Variants in FAM169A observed in about 807,000 individuals in gnomAD.
FAM169A encodes family with sequence similarity 169 member A, also known as soluble lamin-associated protein of 75 kDa.
FAM169A carries 24 observed loss-of-function variants against 75.7 expected under a neutral mutation model. The observed-to-expected ratio is 0.32, with a 90% CI of 0.23 to 0.45. The LOEUF (loss-of-function observed/expected upper bound fraction) is 0.45, where lower values mean the gene tolerates loss of function less well. Among genes scored for constraint, FAM169A ranks in the 20% least tolerant of loss-of-function variants. The pLI is 1.00. For synonymous variants in FAM169A, 271 were observed against 271.0 expected (o/e 1.00, Z 0.00); for missense variants, 673 against 784.0 (o/e 0.86, Z 1.69).
At chr5:74,824,279 C>T (rs527835539) in intron 5 of FAM169A, among the ~76,000 whole-genome samples, 17 of 152,188 alleles carry the variant, frequency 1.1e-4, no homozygotes, top group Admixed American at 6.6e-4. Flanking sequence ...TCAAAAATAG[C>T]GACTAATGAT....
At position 74,779,660 on chromosome 5, in the gene FAM169A, A is replaced by C. The variant is rs1745315194; in HGVS notation, c.*1800T>G. The stretch of plus-strand genomic sequence containing the variant: ...CTTAGTATTAGCATTTGTTGAAAAA[A>C]TAAATGGCCAAAGTGCTTTAATTTT... On this transcript the variant is annotated 3_prime_UTR_variant, in exon 13 of 13. Coordinates refer to ENST00000687041, the MANE Select transcript of FAM169A (RefSeq NM_001376049.1). 6.6e-6 allele frequency: 1 copy of C among 152,082 alleles called. No individual in the cohort carries two copies. The highest frequency in any genetic ancestry group is 1.5e-5 in the Non-Finnish European group (1 of 68,004). 9.4% of individuals were successfully genotyped at this position (152,082 alleles called of 1,614,324 possible).
chr5:74,793,290 A>C (rs2112494866), intron 11 of FAM169A, among the ~76,000 whole-genome samples: 1 of 148,392 alleles, frequency 6.7e-6, no homozygotes, highest in Non-Finnish European at 1.5e-5. Flanking sequence ...GTGCCACTGC[A>C]CTCCAGCCTG....
intron 11 of FAM169A, among the ~76,000 whole-genome samples, chr5:74,794,778 C>CAAAA (rs980861741): frequency 1.5e-5 from 1 of 65,760 alleles, no homozygotes; most frequent in Admixed American, 1.7e-4. Context: ...AACTCCGTCT[C>CAAAA]AAAAAAAAAA....
intron 5 of FAM169A, among the ~76,000 whole-genome samples, chr5:74,818,801 CTCTA>C (rs1554049647): frequency 0.013 from 1,649 of 123,046 alleles, 7 homozygotes; most frequent in African/African-American, 0.032. Context: ...CTCTCTCTCT[CTCTA>C]TATATATATA....
intron 4 of FAM169A, among the ~76,000 whole-genome samples, chr5:74,835,401 C>G (rs963104034): frequency 6.6e-6 from 1 of 151,786 alleles, no homozygotes; most frequent in South Asian, 2.1e-4. Context: ...CAGTTTGAGA[C>G]CAGCCTGGGC....
At chr5:74,832,363 T>C (rs1266933134) in intron 5 of FAM169A, among the ~76,000 whole-genome samples, 2 of 151,936 alleles carry the variant, frequency 1.3e-5, no homozygotes, top group Non-Finnish European at 2.9e-5. Flanking sequence ...ACATAGTTTC[T>C]TGAATTTCAT....
rs933035652 is a variant in FAM169A at position 74,800,921 on chromosome 5, A to G, written c.1062T>C (p.Asp354=). The G allele has an allele frequency of 6.6e-7, 1 of 1,520,810 alleles. No homozygotes were observed. Among genetic ancestry groups the G allele is most frequent in the African/African-American group, 1.4e-5 (1 of 71,408 alleles). The allele number at this position is 1,520,810 out of a possible 1,614,324, so 94.2% of individuals were successfully genotyped here. Residue 354 remains aspartate, a synonymous_variant, in exon 10 of 13, where the codon GAT becomes GAC. Coordinates refer to ENST00000687041, the MANE Select transcript of FAM169A (RefSeq NM_001376049.1). ...DSEFSSSQGE[D]EKTSQTSLTA... The stretch of plus-strand genomic sequence containing the variant: ...TAAGTGAAGTCTGGGAGGTCTTTTC[A>G]TCTTCACCTTGAGAACTGCTAAATT...
intron 10 of FAM169A, among the ~76,000 whole-genome samples, chr5:74,797,938 A>T (rs192559722): frequency 2.0e-4 from 31 of 152,336 alleles, no homozygotes; most frequent in African/African-American, 6.7e-4. Context: ...ATATAAGCTT[A>T]ATGAGCATGG....
chr5:74,798,661 T>C (rs751627790), intron 10 of FAM169A, among the ~76,000 whole-genome samples: 3 of 152,236 alleles, frequency 2.0e-5, no homozygotes, highest in Admixed American at 6.5e-5. Context: ...TCAGGAACAG[T>C]TGGCAGAACT....
At chr5:74,794,448 C>T (rs1291662218) in intron 11 of FAM169A, among the ~76,000 whole-genome samples, 63 of 133,352 alleles carry the variant, frequency 4.7e-4, no homozygotes, top group Middle Eastern at 5.8e-3. Flanking sequence ...TTCATGAGGC[C>T]GGGTATGGTG....
chr5:74,866,646 G>A, upstream of FAM169A: 1 of 791,862 alleles, frequency 1.3e-6, no homozygotes. Flanking sequence ...CCAGCTCAGG[G>A]CAATGGCCTG....
chr5:74,797,263 G>A (rs193081609), intron 10 of FAM169A, among the ~76,000 whole-genome samples: 46 of 152,250 alleles, frequency 3.0e-4, no homozygotes, highest in African/African-American at 1.1e-3. Context: ...TGCAACCTCC[G>A]CCTCCTGGGT....
chr5:74,866,955 C>G (rs570776716), upstream of FAM169A: 2 of 985,288 alleles, frequency 2.0e-6, no homozygotes, highest in African/African-American at 3.5e-5. Context: ...TCGTGGGCTG[C>G]TTTCACAGTC....
rs1373749729 is a variant in FAM169A at position 74,781,546 on chromosome 5, C to G, written c.1927G>C (p.Glu643Gln). 1 of 1,614,084 alleles carries G rather than the reference C, an allele frequency of 6.2e-7. No homozygotes were observed. The highest frequency in any genetic ancestry group is 8.5e-7 in the Non-Finnish European group (1 of 1,180,026). The change falls in exon 13 of 13, where the codon GAA (glutamate) becomes CAA (glutamine). Residue 643 changes from glutamate (E) to glutamine (Q), a missense_variant. By Grantham distance (29) the Glu-to-Gln change is conservative. This residue lies in a region of FAM169A where 510 missense variants were observed against 550.9 expected (regional missense o/e 0.93). Transcript: ENST00000687041. The part of the protein sequence containing the change: ...VDSSSEEIEV[E>Q]VPVVDRRNLR... ...TTCCGCCTGTCTACCACAGGCACTT[C>G]CACTTCTATTTCCTCTGAGCTGCTA... is the stretch of plus-strand genomic sequence containing the variant.
At chr5:74,827,087 A>T (rs1190999105) in intron 5 of FAM169A, among the ~76,000 whole-genome samples, 3 of 152,200 alleles carry the variant, frequency 2.0e-5, no homozygotes, top group Non-Finnish European at 4.4e-5. Context: ...TTCTCAGTAC[A>T]TCATATATCA....
chr5:74,850,781 T>G (rs566573253), intron 1 of FAM169A, among the ~76,000 whole-genome samples: 45 of 152,278 alleles, frequency 3.0e-4, no homozygotes, highest in Non-Finnish European at 5.6e-4. Context: ...TTAATACAGA[T>G]GAATAATGCA....
chr5:74,805,524 C>CTTTGTTTTTTTT (rs1746824009), intron 6 of FAM169A, among the ~76,000 whole-genome samples: 1 of 81,934 alleles, frequency 1.2e-5, no homozygotes, highest in Non-Finnish European at 2.2e-5. Flanking sequence ...ATGTGCTTCG[C>CTTTGTTTTTTTT]TTTTTTTTTT....
intron 11 of FAM169A, 133 bp from the exon 12 acceptor site, chr5:74,783,267 TAAAG>T (rs1745503266): frequency 4.8e-6 from 3 of 627,498 alleles, no homozygotes; most frequent in Non-Finnish European, 8.4e-6. Context: ...GGACATGGGT[TAAAG>T]AACAGTCTTA....
At chr5:74,866,754 C>G (rs1750369965), upstream of FAM169A, 1 of 985,508 alleles carries the variant, frequency 1.0e-6, no homozygotes, top group African/African-American at 1.7e-5. Context: ...TGCCGACCTT[C>G]GCAGGATTCT....
Sources: allele counts gnomAD v4.1 joint callset (sites outside exome capture counted in the v4.1 genomes callset), GRCh38; gene constraint gnomAD v4.1.1; regional missense constraint gnomAD v4.1.1; transcripts MANE v1.5; gene names NCBI Gene and HGNC (gene_info 2026-07-23, HGNC 2026-07-21).